The following SEL1L3 variants were observed in gnomAD, a reference collection of about 807,000 sequenced individuals.
SEL1L3 encodes the protein SEL1L family member 3, also known as protein sel-1 homolog 3.
A neutral mutation model predicts 142.8 loss-of-function variants in SEL1L3; 76 were observed. The observed-to-expected ratio is 0.53, with a 90% CI of 0.44 to 0.64. The LOEUF (loss-of-function observed/expected upper bound fraction) is 0.64. Among genes scored for constraint, SEL1L3 ranks in the 30% least tolerant of loss-of-function variants. SEL1L3 has a pLI of 0.00. For synonymous variants in SEL1L3, 504 were observed against 519.6 expected, an observed-to-expected ratio of 0.97 and a Z score of 0.41; for missense variants, 1,262 against 1,381.7, an observed-to-expected ratio of 0.91 and a Z score of 1.37.
chr4:25,721,676 T>C, the SEL1L3 span, among the ~76,000 whole-genome samples: 1 of 152,170 alleles, frequency 6.6e-6, no homozygotes, highest in Non-Finnish European at 1.5e-5. Context: ...GTCAAGTCAA[T>C]GAGCCAGGGA....
At chr4:25,729,964 CT>C in the SEL1L3 span, among the ~76,000 whole-genome samples, 2 of 151,374 alleles carry the variant, frequency 1.3e-5, no homozygotes, top group African/African-American at 4.8e-5. Flanking sequence ...CCTTCTTCTT[CT>C]TTTTTTTGAG....
intron 11 of SEL1L3, among the ~76,000 whole-genome samples, chr4:25,791,535 TC>T (rs1383393161): frequency 6.6e-6 from 1 of 152,182 alleles, no homozygotes; most frequent in African/African-American, 2.4e-5. Context: ...TAGAGAGGGC[TC>T]CCCATGCCCA....
the SEL1L3 span, among the ~76,000 whole-genome samples, chr4:25,728,961 C>T: frequency 6.6e-6 from 1 of 151,918 alleles, no homozygotes; most frequent in East Asian, 1.9e-4. Flanking sequence ...TTCACAAATA[C>T]TACGTTTCCA....
In SEL1L3 at chr4:25,757,521, T is replaced by C. The variant is rs768372551; in HGVS notation, c.3259+13A>G. ...TTTTTAATATATTGCTTTCGCTTTTTATAAATCTTTACCTGAGACAGACTG... is the reference window on the plus strand; with the variant it reads ...TTTTTAATATATTGCTTTCGCTTTTCATAAATCTTTACCTGAGACAGACTG... On this transcript the variant is annotated intron_variant, in intron 23 of 23. Coordinates refer to ENST00000399878, the MANE Select transcript of SEL1L3 (RefSeq NM_015187.5). The C allele has an allele frequency of 6.0e-6, 9 of 1,500,848 alleles. No individual in the cohort carries two copies. The highest frequency in any genetic ancestry group is 8.0e-6 in the Non-Finnish European group (9 of 1,121,474). 93.0% of individuals were successfully genotyped at this position (1,500,848 alleles called of 1,614,324 possible). A position where few individuals can be genotyped will look rare whatever the true frequency, so the allele number is the denominator to read the frequency against.
downstream of SEL1L3, among the ~76,000 whole-genome samples, chr4:25,743,142 C>T (rs1315301614): frequency 6.6e-6 from 1 of 152,192 alleles, no homozygotes; most frequent in Non-Finnish European, 1.5e-5. Flanking sequence ...TCTTGCCATG[C>T]AACAATGAAA....
chr4:25,756,425 A>G, intron 23 of SEL1L3: 1 of 985,098 alleles, frequency 1.0e-6, no homozygotes, highest in Non-Finnish European at 1.2e-6. Flanking sequence ...TATGCCAGAT[A>G]AATATAACAG....
downstream of SEL1L3, among the ~76,000 whole-genome samples, chr4:25,745,948 C>T (rs560514089): frequency 2.6e-5 from 4 of 152,312 alleles, no homozygotes; most frequent in South Asian, 8.3e-4. Flanking sequence ...CACTCTCTGG[C>T]CCCTCAGACT....
At chr4:25,790,429 C>T (rs755279722) in intron 12 of SEL1L3, 26 bp downstream of exon 12, 2 of 1,612,682 alleles carry the variant, frequency 1.2e-6, no homozygotes, top group South Asian at 2.2e-5. Flanking sequence ...TGACAGAATC[C>T]CCAAGACAGT....
intron 11 of SEL1L3, among the ~76,000 whole-genome samples, chr4:25,796,625 T>A (rs554564382): frequency 1.5e-3 from 225 of 151,932 alleles, no homozygotes; most frequent in African/African-American, 5.2e-3. Flanking sequence ...AAACCCCATC[T>A]CTACTAAAAA....
intron 5 of SEL1L3, among the ~76,000 whole-genome samples, chr4:25,830,858 T>C (rs1715395851): frequency 6.6e-6 from 1 of 152,116 alleles, no homozygotes; most frequent in Non-Finnish European, 1.5e-5. Flanking sequence ...AACATGTTGG[T>C]TCAGAAAAGA....
the SEL1L3 span, among the ~76,000 whole-genome samples, chr4:25,729,215 T>C: frequency 5.9e-5 from 9 of 152,226 alleles, no homozygotes; most frequent in African/African-American, 1.2e-4. Flanking sequence ...CCACCAACCA[T>C]GCACTGGTTC....
At chr4:25,760,482 A>G (rs1246496924) in intron 20 of SEL1L3, among the ~76,000 whole-genome samples, 6 of 152,186 alleles carry the variant, frequency 3.9e-5, no homozygotes, top group East Asian at 1.9e-4. Context: ...ACTGCTTTCC[A>G]CAATGGTTGA....
the SEL1L3 span, chr4:25,720,837 A>G: frequency 1.3e-5 from 2 of 152,138 alleles, no homozygotes; most frequent in Non-Finnish European, 2.9e-5. Flanking sequence ...ACTACCTTCT[A>G]TCTGTCTGTG....
rs1307962659 is a variant in SEL1L3, at chr4:25,830,118, G to A, written c.1137C>T (p.Ser379=). 1.2e-6 allele frequency: 2 copies of A among 1,611,344 alleles called. No individual in the cohort carries two copies. Among genetic ancestry groups the A allele is most frequent in the South Asian group, 1.1e-5 (1 of 90,938 alleles). The change falls in exon 6 of 24, where the codon AGC becomes AGT. Residue 379 remains serine (S), a synonymous_variant. Transcript: ENST00000399878. ...VTTSIGQDLK[S]YHNQTISFRE... is the part of the protein sequence containing the mutation. ...CTTACCTAATGGTCTGATTGTGGTA[G>A]CTTTTCAAATCCTGTCCAATGCTAG...
rs570451091 is a variant in SEL1L3 at position 25,776,181 on chromosome 4, A to C, written c.2669+96T>G. On this transcript the variant is annotated intron_variant, in intron 17 of 23. Coordinates refer to ENST00000399878, the MANE Select transcript of SEL1L3 (RefSeq NM_015187.5). ...TTACTGGGAGCTGTGATTTCCCTGC[A>C]AATTGCTTTCTCAGTTGCATTTTAA... The C allele has an allele frequency of 4.2e-6, 3 of 722,494 alleles. No individual in the cohort carries two copies. In the South Asian group the frequency reaches 5.2e-5, roughly 12 times the overall value. The allele number at this position is 722,494 out of a possible 1,614,324, so 44.8% of individuals were successfully genotyped here.
chr4:25,804,474 C>T, intron 10 of SEL1L3, 67 bp downstream of exon 10: 1 of 1,167,918 alleles, frequency 8.6e-7, no homozygotes, highest in South Asian at 1.3e-5. Context: ...CTACCAGGGG[C>T]ACGAGAGCAT....
At chr4:25,845,929 T>G (rs10022890) in intron 2 of SEL1L3, among the ~76,000 whole-genome samples, 3 of 151,848 alleles carry the variant, frequency 2.0e-5, no homozygotes, top group Admixed American at 2.0e-4. Flanking sequence ...TAGGGTGCAT[T>G]AGAGTCGTGA....
chr4:25,856,536 G>A (rs1309562574), intron 1 of SEL1L3, among the ~76,000 whole-genome samples: 1 of 150,026 alleles, frequency 6.7e-6, no homozygotes, highest in Non-Finnish European at 1.5e-5. Flanking sequence ...ACAACGTCAT[G>A]CACAGTCACA....
intron 23 of SEL1L3, 39 bp from the exon 24 acceptor site, chr4:25,748,603 A>G: frequency 6.3e-7 from 1 of 1,586,168 alleles, no homozygotes; most frequent in Non-Finnish European, 8.6e-7. Context: ...GAATACTCAA[A>G]ACAGTGCATT....
Sources: gnomAD v4.1 joint callset for allele counts (sites outside exome capture counted in the v4.1 genomes callset) on GRCh38, gnomAD v4.1.1 for gene constraint, MANE v1.5 for transcripts, NCBI Gene and HGNC (gene_info 2026-07-23, HGNC 2026-07-21) for gene names.